Variants in GBF1 observed in about 807,000 individuals in gnomAD.
The protein encoded by GBF1 is Golgi-specific brefeldin A-resistance guanine nucleotide exchange factor 1.
GBF1 carries 114 observed loss-of-function variants against 210.5 expected under a neutral mutation model. The ratio of observed to expected loss-of-function variants is 0.54; its 90% CI spans 0.47 to 0.63. GBF1 has a LOEUF of 0.63. Among genes scored for constraint, GBF1 ranks in the 30% least tolerant of loss-of-function variants. The pLI, the probability that GBF1 is intolerant of heterozygous loss-of-function variation, is 0.00. For synonymous variants in GBF1, 850 were observed against 889.2 expected (o/e 0.96, Z 0.78); for missense variants, 1,851 against 2,357.7 (o/e 0.79, Z 4.45).
intron 3 of GBF1, among the ~76,000 whole-genome samples, chr10:102,295,300 G>GACTAGA (rs2076823346): frequency 1.3e-5 from 2 of 152,194 alleles, no homozygotes; most frequent in African/African-American, 4.8e-5. Flanking sequence ...GACTGTGGCA[G>GACTAGA]ACTAGAATTC....
rs145807779 is a variant in GBF1 at position 102,365,067 on chromosome 10, G to A, written c.2107-330G>A. Among the ~76,000 whole-genome samples the A allele has an allele frequency of 9.2e-5, 14 of 152,300 alleles. No individual in the cohort carries two copies. The East Asian group carries it at 2.3e-3, about 25-fold the overall frequency. ...AACAAGAGGCTGGCTATCAACAAAT[G>A]TCAGGGATGGATATAAAACTGGAGA... On this transcript the variant is annotated intron_variant, in intron 17 of 39. Coordinates refer to ENST00000369983, the MANE Select transcript of GBF1 (RefSeq NM_001377137.1).
In GBF1 at chr10:102,353,654, G is replaced by T; in HGVS notation, c.639G>T (p.Lys213Asn). 1 of 1,605,730 alleles carries T rather than the reference G, an allele frequency of 6.2e-7. No individual in the cohort carries two copies. The highest frequency in any genetic ancestry group is 8.5e-7 in the Non-Finnish European group (1 of 1,172,374). Reference sequence around the variant, plus strand: ...ACTATGTGGGGACCAACATGAAGAAGGTATGATCTGAGAGCTGATCTGCTG... The same window carrying T: ...ACTATGTGGGGACCAACATGAAGAATGTATGATCTGAGAGCTGATCTGCTG... The part of the protein sequence containing the change: ...PKNYVGTNMK[K>N]LKMRAGGMSD... Residue 213 changes from lysine to asparagine, a missense_variant and splice_region_variant, in exon 8 of 40, where the codon AAG (lysine) becomes AAT (asparagine). By Grantham distance (94) the Lys-to-Asn change is moderately conservative. Transcript: ENST00000369983.
intron 21 of GBF1, 113 bp downstream of exon 21, chr10:102,367,673 G>T: frequency 2.7e-6 from 2 of 732,934 alleles, no homozygotes; most frequent in Non-Finnish European, 4.9e-6. Flanking sequence ...CCTGGATTTA[G>T]CCTCAGGACT....
chr10:102,318,054 G>A (rs1297499993), intron 3 of GBF1, among the ~76,000 whole-genome samples: 8 of 151,926 alleles, frequency 5.3e-5, no homozygotes, highest in East Asian at 1.9e-4. Flanking sequence ...GACTACAGGC[G>A]CCTGCCACCA....
chr10:102,237,887 G>T, the GBF1 span, among the ~76,000 whole-genome samples: 2 of 149,752 alleles, frequency 1.3e-5, no homozygotes, highest in African/African-American at 4.9e-5. Flanking sequence ...CTCCTCCCCC[G>T]CCCACCCCAC....
intron 1 of GBF1, among the ~76,000 whole-genome samples, chr10:102,254,958 T>G (rs1321799535): frequency 6.6e-6 from 1 of 152,176 alleles, no homozygotes. Context: ...GGAGATTCCC[T>G]GAGTGAGGGG....
chr10:102,253,581 G>A (rs948242009), intron 1 of GBF1, among the ~76,000 whole-genome samples: 4 of 151,916 alleles, frequency 2.6e-5, no homozygotes, highest in South Asian at 2.1e-4. Flanking sequence ...TGGTGTGATC[G>A]TGGCTCACTG....
chr10:102,230,978 G>T, the GBF1 span: 153 of 1,606,976 alleles, frequency 9.5e-5, 1 homozygote, highest in South Asian at 5.8e-4. Flanking sequence ...GAGTAGCCGG[G>T]GTACACCTCC....
chr10:102,356,698 C>T (rs543466468), intron 8 of GBF1, among the ~76,000 whole-genome samples: 6 of 145,186 alleles, frequency 4.1e-5, no homozygotes, highest in African/African-American at 1.0e-4. Flanking sequence ...ACCCAGGAGG[C>T]GGAGCTTGCA....
At chr10:102,377,408 C>CACG in intron 33 of GBF1, among the ~76,000 whole-genome samples, 1 of 151,870 alleles carries the variant, frequency 6.6e-6, no homozygotes, top group Non-Finnish European at 1.5e-5. Flanking sequence ...GGCTGGAGTG[C>CACG]AGTGGCGTGA....
intron 3 of GBF1, among the ~76,000 whole-genome samples, chr10:102,279,450 A>G (rs1476494702): frequency 1.3e-5 from 2 of 152,210 alleles, no homozygotes; most frequent in Non-Finnish European, 2.9e-5. Flanking sequence ...TCTCAAATCT[A>G]TTTTAATAGC....
intron 3 of GBF1, among the ~76,000 whole-genome samples, chr10:102,265,029 C>T (rs2073710088): frequency 6.6e-6 from 1 of 152,136 alleles, no homozygotes; most frequent in Admixed American, 6.5e-5. Context: ...GTGGTAGGAT[C>T]TGTGGCATGG....
At position 102,366,644 on chromosome 10, in the gene GBF1, T is replaced by TA. The variant is rs2059928601; in HGVS notation, c.2433+139dup. ...CTCTGTCACCCAGGCTGGAGTGCAG[T>TA]AGCGCAGTCTCAGCACACTGCAACC... On this transcript the variant is annotated intron_variant, in intron 19 of 39. Transcript: ENST00000369983. The surrounding 1 kb of genome is among the most constrained non-coding windows in gnomAD (Gnocchi z 4.0). The TA allele has an allele frequency of 1.3e-6, 1 of 761,212 alleles. No individual in the cohort carries two copies. The highest frequency in any genetic ancestry group is 1.8e-5 in the African/African-American group (1 of 55,434). 47.2% of individuals were successfully genotyped at this position (761,212 alleles called of 1,614,324 possible).
intron 3 of GBF1, among the ~76,000 whole-genome samples, chr10:102,321,453 A>G (rs537103730): frequency 1.3e-5 from 2 of 152,364 alleles, no homozygotes; most frequent in Non-Finnish European, 2.9e-5. Flanking sequence ...GCTCTTTATC[A>G]TATATCATAT....
chr10:102,265,101 C>T (rs930381312), intron 3 of GBF1, among the ~76,000 whole-genome samples: 11 of 152,164 alleles, frequency 7.2e-5, no homozygotes, highest in Admixed American at 5.9e-4. Flanking sequence ...GGTTTTAGAT[C>T]TGACAAGAGT....
intron 3 of GBF1, among the ~76,000 whole-genome samples, chr10:102,269,353 A>G (rs969812807): frequency 3.9e-5 from 6 of 152,214 alleles, no homozygotes; most frequent in Non-Finnish European, 8.8e-5. Flanking sequence ...ATAAATTGGC[A>G]TATGATTTGG....
At chr10:102,274,773 G>A (rs999195248) in intron 3 of GBF1, among the ~76,000 whole-genome samples, 2 of 136,674 alleles carry the variant, frequency 1.5e-5, no homozygotes, top group Non-Finnish European at 3.0e-5. Context: ...GTACAGTGGC[G>A]TGATCTTTGC....
At chr10:102,365,110 C>A (rs913575575) in intron 17 of GBF1, among the ~76,000 whole-genome samples, 2 of 152,168 alleles carry the variant, frequency 1.3e-5, no homozygotes, top group African/African-American at 4.8e-5. Flanking sequence ...TACCTAGTTT[C>A]TTTCTTCTAC....
At chr10:102,359,461 A>G (rs1205470306) in intron 11 of GBF1, 26 bp downstream of exon 11, 1 of 1,575,946 alleles carries the variant, frequency 6.3e-7, no homozygotes, top group Non-Finnish European at 8.7e-7. Flanking sequence ...GGCTCTGCCA[A>G]TTCACCTCCC....
Sources: allele counts gnomAD v4.1 joint callset (sites outside exome capture counted in the v4.1 genomes callset), GRCh38; gene constraint gnomAD v4.1.1; non-coding constraint Gnocchi (gnomAD v3.1); transcripts MANE v1.5; gene names NCBI Gene and HGNC (gene_info 2026-07-23, HGNC 2026-07-21).